The following EI24 variants were observed in gnomAD, a reference collection of about 807,000 sequenced individuals.
The protein encoded by EI24 is etoposide-induced protein 2.4 homolog.
A neutral mutation model predicts 48.6 loss-of-function variants in EI24; 21 were observed. The observed-to-expected ratio is 0.43, with a 90% CI of 0.31 to 0.62. The LOEUF (loss-of-function observed/expected upper bound fraction) is 0.62. Ranked by LOEUF, EI24 falls within the 20% of genes least tolerant of loss-of-function variation. The probability of loss-of-function intolerance (pLI) is 0.10; values close to 1 mark genes in which losing one functional copy is unlikely to be tolerated. For synonymous variants in EI24, 114 were observed against 145.5 expected, an observed-to-expected ratio of 0.78 and a Z score of 1.56; for missense variants, 280 against 410.5, an observed-to-expected ratio of 0.68 and a Z score of 2.75.
intron 1 of EI24, among the ~76,000 whole-genome samples, chr11:125,570,728 C>T (rs2135844316): frequency 6.6e-6 from 1 of 152,186 alleles, no homozygotes; most frequent in East Asian, 1.9e-4. Flanking sequence ...TGCTGTTGTG[C>T]CCTATTAGAT....
At chr11:125,573,484 C>A in intron 2 of EI24, 1 of 349,614 alleles carries the variant, frequency 2.9e-6, no homozygotes. Context: ...TGGCTCACAG[C>A]TGTAATCTCA....
intron 9 of EI24, 140 bp from the exon 10 acceptor site, chr11:125,582,206 A>C: frequency 3.7e-6 from 3 of 805,744 alleles, no homozygotes; most frequent in Non-Finnish European, 5.5e-6. Flanking sequence ...CTCAAAAAAA[A>C]AAATGTTTGA....
In EI24 at chr11:125,583,797, T is replaced by C; in HGVS notation, c.*114T>C. The C allele has an allele frequency of 7.1e-7, 1 of 1,410,394 alleles. No individual in the cohort carries two copies. Among genetic ancestry groups the C allele is most frequent in the Non-Finnish European group, 9.7e-7 (1 of 1,030,164 alleles). The allele number at this position is 1,410,394 out of a possible 1,614,324, so 87.4% of individuals were successfully genotyped here. A position where few individuals can be genotyped will look rare whatever the true frequency, so the allele number is the denominator to read the frequency against. ...AGGACCCGCTCTGCCAAGGGCCCTC[T>C]GCGTATTCCCTTCTCTCTGAGGAAT... On this transcript the variant is annotated 3_prime_UTR_variant, in exon 11 of 11. Transcript: ENST00000278903.
intron 1 of EI24, among the ~76,000 whole-genome samples, chr11:125,572,069 CT>C (rs1252307291): frequency 6.6e-6 from 1 of 152,048 alleles, no homozygotes; most frequent in Non-Finnish European, 1.5e-5. Context: ...ATAAAAATTG[CT>C]TAAGAAGATA....
intron 4 of EI24, among the ~76,000 whole-genome samples, chr11:125,576,824 G>A (rs893657300): frequency 1.3e-5 from 2 of 152,164 alleles, no homozygotes; most frequent in Non-Finnish European, 2.9e-5. Flanking sequence ...CTTTGACTTA[G>A]AATTTAGAGT....
intron 1 of EI24, chr11:125,570,574 A>C (rs1457888541): frequency 6.6e-6 from 1 of 152,254 alleles, no homozygotes; most frequent in Non-Finnish European, 1.5e-5. Context: ...CAAATGACAC[A>C]GCTGTTGTGG....
At chr11:125,575,989 C>A in intron 3 of EI24, 1 of 438,816 alleles carries the variant, frequency 2.3e-6, no homozygotes, top group Non-Finnish European at 4.2e-6. Flanking sequence ...CAGGGTTTTG[C>A]CATGTTGGCC....
chr11:125,580,531 T>A (rs1022016746), intron 8 of EI24, among the ~76,000 whole-genome samples: 1 of 152,188 alleles, frequency 6.6e-6, no homozygotes, highest in African/African-American at 2.4e-5. Flanking sequence ...TGGGGGTGTT[T>A]TAGAAAGACC....
intron 5 of EI24, 133 bp downstream of exon 5, chr11:125,577,703 T>G (rs769938829): frequency 1.1e-4 from 85 of 761,514 alleles, no homozygotes; most frequent in Non-Finnish European, 1.6e-4. Flanking sequence ...TGTTTTATTC[T>G]TTTTAAAAAT....
chr11:125,583,381 C>A, intron 10 of EI24, 140 bp from the exon 11 acceptor site: 2 of 720,412 alleles, frequency 2.8e-6, no homozygotes, highest in East Asian at 5.6e-5. Context: ...ATCCATGTAT[C>A]TAATATCTGT....
Position 125,572,557 on chromosome 11 carries a change from G to C in EI24, c.30G>C (p.Gln10His). The C allele has an allele frequency of 6.2e-7, 1 of 1,613,754 alleles. No individual in the cohort carries two copies. The highest frequency in any genetic ancestry group is 8.5e-7 in the Non-Finnish European group (1 of 1,179,834). The change falls in exon 2 of 11, where the codon CAG becomes CAC. Residue 10 changes from glutamine (Q) to histidine (H), a missense_variant. Gln to His is a conservative substitution (Grantham distance 24). Coordinates refer to ENST00000278903, the MANE Select transcript of EI24 (RefSeq NM_004879.5). ...CTGACAGTGTCAAAACCTTTCTCCA[G>C]GACCTTGCCAGAGTGAGTACATCTT... MADSVKTFLQDLARGIKDSI... is the reference protein window; with the variant it reads MADSVKTFLHDLARGIKDSI...
Position 125,581,325 on chromosome 11 carries a change from A to T in EI24, c.785+3A>T. 6.3e-7 allele frequency: 1 copy of T among 1,586,156 alleles called. No individual in the cohort carries two copies. Among genetic ancestry groups the T allele is most frequent in the Non-Finnish European group, 8.6e-7 (1 of 1,159,874 alleles). ...ATGCAGTCCTCATATATTATCAGGT[A>T]ATTTGGCTACAGGGATTTGAAGGAG... On this transcript the variant is annotated splice_donor_region_variant and intron_variant, in intron 9 of 10. Transcript: ENST00000278903.
At chr11:125,583,403 C>G (rs978286402) in intron 10 of EI24, 118 bp from the exon 11 acceptor site, 2 of 845,976 alleles carry the variant, frequency 2.4e-6, no homozygotes, top group South Asian at 1.9e-5. Flanking sequence ...TTTCCTTGAT[C>G]AAGTTTCATT....
chr11:125,581,508 T>C (rs2135872367), intron 9 of EI24, among the ~76,000 whole-genome samples, 186 bp downstream of exon 9: 1 of 151,962 alleles, frequency 6.6e-6, no homozygotes, highest in Non-Finnish European at 1.5e-5. Context: ...CCATATTCTT[T>C]TTCTATGTTG....
intron 5 of EI24, 142 bp downstream of exon 5, chr11:125,577,712 A>G (rs1938807583): frequency 1.4e-6 from 1 of 732,398 alleles, no homozygotes; most frequent in Non-Finnish European, 2.2e-6. Flanking sequence ...CTTTTTAAAA[A>G]TTTATATTTC....
intron 6 of EI24, 99 bp downstream of exon 6, chr11:125,578,356 GT>G: frequency 6.7e-7 from 1 of 1,490,166 alleles, no homozygotes. Context: ...AGGGGGACCT[GT>G]TTTTCAGCCT....
chr11:125,581,163 G>T, intron 8 of EI24, 48 bp from the exon 9 acceptor site: 2 of 1,296,902 alleles, frequency 1.5e-6, no homozygotes, highest in South Asian at 1.3e-5. Flanking sequence ...TTAGTCACTT[G>T]ACTAAAAGGA....
At chr11:125,572,636 A>G in intron 2 of EI24, 67 bp downstream of exon 2, 2 of 1,476,494 alleles carry the variant, frequency 1.4e-6, no homozygotes, top group Non-Finnish European at 1.9e-6. Context: ...GGAACCATCT[A>G]GGAAATCCTT....
intron 9 of EI24, 68 bp from the exon 10 acceptor site, chr11:125,582,277 TA>T: frequency 7.3e-7 from 1 of 1,365,482 alleles, no homozygotes; most frequent in Non-Finnish European, 9.9e-7. Flanking sequence ...TTGGAGCTTC[TA>T]ATATCTTCTT....
Sources: gnomAD v4.1 joint callset for allele counts (sites outside exome capture counted in the v4.1 genomes callset) on GRCh38, gnomAD v4.1.1 for gene constraint, MANE v1.5 for transcripts, NCBI Gene and HGNC (gene_info 2026-07-23, HGNC 2026-07-21) for gene names.